DGLUCY: variants seen among roughly 807,000 people sequenced by gnomAD.
DGLUCY encodes D-glutamate cyclase, mitochondrial.
In DGLUCY, 58 loss-of-function variants were observed where a neutral mutation model predicts 58.5. The observed-to-expected ratio is 0.99, with a 90% CI of 0.80 to 1.23. DGLUCY has a LOEUF of 1.23. Among genes scored for constraint, DGLUCY ranks in the 50% most tolerant of loss-of-function variants. The probability of loss-of-function intolerance (pLI) is 0.00; values close to 1 mark genes in which losing one functional copy is unlikely to be tolerated. For missense variants in DGLUCY, 779 were observed against 784.7 expected (o/e 0.99, Z 0.09); for synonymous variants, 325 against 314.1 (o/e 1.03, Z -0.37).
chr14:91,135,789 AT>A (rs539948617), intron 1 of DGLUCY, among the ~76,000 whole-genome samples: 31 of 151,624 alleles, frequency 2.0e-4, no homozygotes, highest in Middle Eastern at 3.4e-3. Context: ...AATGCTACTA[AT>A]TTTTTTTCTG....
At chr14:91,197,271 AT>A (rs1240615823) in intron 10 of DGLUCY, among the ~76,000 whole-genome samples, 1 of 151,808 alleles carries the variant, frequency 6.6e-6, no homozygotes, top group South Asian at 2.1e-4. Context: ...CTGGCCGCTA[AT>A]TTTTTTATTT....
intron 1 of DGLUCY, chr14:91,126,450 G>A (rs974929857): frequency 3.5e-5 from 8 of 227,032 alleles, no homozygotes; most frequent in African/African-American, 1.4e-4. Flanking sequence ...CAGGGGGCCC[G>A]AAGAATGCCT....
rs1196560528 is a variant in DGLUCY at position 91,077,745 on chromosome 14, T to C, written c.-82+17041T>C. On this transcript the variant is annotated intron_variant, in intron 1 of 4. Coordinates refer to the DGLUCY transcript ENST00000521334. ...CCAGCCTGGTGACAGAGCGAGACTC[T>C]GTCTCAAAAAAAAAAAAAGAGAGAG... Among the ~76,000 whole-genome samples, 18 of 130,108 alleles carry C rather than the reference T, an allele frequency of 1.4e-4. No homozygotes were observed. The Admixed American group carries it at 1.4e-3, about 10-fold the overall frequency. The allele number at this position is 130,108 out of a possible 152,430, so 85.4% of individuals were successfully genotyped here.
rs1199595094 is a variant in DGLUCY at position 91,162,556 on chromosome 14, G to C, written c.103+2159G>C. ...ACTTTTCTGTTCATCTCCAGCTGTG[G>C]AGATGAACAAAACCAAAACAAAACC... On this transcript the variant is annotated intron_variant, in intron 3 of 13. Transcript: ENST00000256324. Among the ~76,000 whole-genome samples the C allele has an allele frequency of 2.0e-5, 3 of 151,932 alleles. No individual in the cohort carries two copies. In the South Asian group the frequency reaches 6.2e-4, roughly 31 times the overall value.
intron 13 of DGLUCY, among the ~76,000 whole-genome samples, chr14:91,218,566 C>G (rs1381711875): frequency 6.6e-6 from 1 of 151,952 alleles, no homozygotes; most frequent in East Asian, 1.9e-4. Context: ...CCACACCCGG[C>G]TAATTTTTGT....
intron 1 of DGLUCY, among the ~76,000 whole-genome samples, chr14:91,085,324 C>G (rs931914897): frequency 1.9e-4 from 29 of 152,054 alleles, no homozygotes; most frequent in Non-Finnish European, 8.8e-5. Context: ...GTCCTCAGTC[C>G]TGACCTCTGC....
intron 1 of DGLUCY, among the ~76,000 whole-genome samples, chr14:91,071,013 A>G (rs1008774532): frequency 6.6e-6 from 1 of 152,158 alleles, no homozygotes; most frequent in African/African-American, 2.4e-5. Context: ...CATGAATTTT[A>G]TATTTTGCCA....
chr14:91,164,452 T>C (rs2048165206), intron 3 of DGLUCY, among the ~76,000 whole-genome samples: 1 of 152,214 alleles, frequency 6.6e-6, no homozygotes, highest in Non-Finnish European at 1.5e-5. Context: ...GTCTTTGCTA[T>C]CTGGGCTTAT....
chr14:91,132,758 G>A (rs978156490), intron 1 of DGLUCY, among the ~76,000 whole-genome samples: 1 of 151,874 alleles, frequency 6.6e-6, no homozygotes, highest in African/African-American at 2.4e-5. Context: ...GATTACAGGC[G>A]TGAGCCACTG....
At chr14:91,124,117 G>A (rs754154941) in intron 1 of DGLUCY, among the ~76,000 whole-genome samples, 7 of 151,680 alleles carry the variant, frequency 4.6e-5, no homozygotes, top group African/African-American at 1.5e-4. Context: ...TAGTAGTGAC[G>A]GGGTTTCACC....
intron 7 of DGLUCY, among the ~76,000 whole-genome samples, chr14:91,177,977 G>A (rs79375565): frequency 1.3e-5 from 2 of 152,072 alleles, no homozygotes; most frequent in East Asian, 1.9e-4. Flanking sequence ...TGCAGTAAAC[G>A]TCCCCCAGCC....
intron 13 of DGLUCY, among the ~76,000 whole-genome samples, chr14:91,219,416 A>G (rs1039618794): frequency 5.9e-5 from 9 of 152,214 alleles, no homozygotes; most frequent in African/African-American, 1.4e-4. Flanking sequence ...TGCAGAGGAA[A>G]TAGCTAGAAT....
intron 1 of DGLUCY, among the ~76,000 whole-genome samples, chr14:91,134,884 A>G (rs2046235471): frequency 6.6e-6 from 1 of 152,078 alleles, no homozygotes. Flanking sequence ...CGCAATCATA[A>G]TATCTGCACG....
At chr14:91,168,340 C>T (rs2048393292) in intron 4 of DGLUCY, among the ~76,000 whole-genome samples, 5 of 152,052 alleles carry the variant, frequency 3.3e-5, no homozygotes, top group African/African-American at 1.2e-4. Context: ...GATCTCAAGC[C>T]CATGGTGACC....
At chr14:91,222,302 C>T (rs1002529532) in intron 13 of DGLUCY, among the ~76,000 whole-genome samples, 5 of 152,160 alleles carry the variant, frequency 3.3e-5, no homozygotes, top group Admixed American at 6.5e-5. Context: ...TGGCTGATTG[C>T]GTGCACCCTG....
intron 2 of DGLUCY, among the ~76,000 whole-genome samples, chr14:91,158,209 G>A (rs2047774223): frequency 6.6e-6 from 1 of 152,180 alleles, no homozygotes; most frequent in South Asian, 2.1e-4. Flanking sequence ...GGTCAGGCTT[G>A]CCAGGCCCAG....
chr14:91,196,518 G>A (rs746383019), intron 10 of DGLUCY, 44 bp downstream of exon 10: 7 of 1,499,556 alleles, frequency 4.7e-6, no homozygotes, highest in Admixed American at 1.7e-5. Context: ...TGGTGGAAAC[G>A]CCCATATGCT....
intron 1 of DGLUCY, among the ~76,000 whole-genome samples, chr14:91,064,960 T>C (rs1257766756): frequency 6.6e-6 from 1 of 152,206 alleles, no homozygotes; most frequent in Non-Finnish European, 1.5e-5. Context: ...AGGGAGTTTT[T>C]CGGTTTTTTG....
At chr14:91,124,151 C>T (rs1482279305) in intron 1 of DGLUCY, among the ~76,000 whole-genome samples, 1 of 151,756 alleles carries the variant, frequency 6.6e-6, no homozygotes, top group Non-Finnish European at 1.5e-5. Context: ...TGGTCTCGAT[C>T]TCCTGACCTC....
Sources: gnomAD v4.1 joint callset for allele counts (sites outside exome capture counted in the v4.1 genomes callset) on GRCh38, gnomAD v4.1.1 for gene constraint, MANE v1.5 for transcripts, NCBI Gene and HGNC (gene_info 2026-07-23, HGNC 2026-07-21) for gene names.